CRLF2: variants seen among roughly 807,000 people sequenced by gnomAD.
CRLF2 encodes the protein cytokine receptor-like factor 2.
CRLF2 carries 41 observed loss-of-function variants against 38.7 expected under a neutral mutation model. That is an observed-to-expected ratio of 1.06 (90% confidence interval 0.83 to 1.37). CRLF2 has a LOEUF of 1.37. CRLF2 is among the 40% of genes most tolerant of loss of function. The probability of loss-of-function intolerance (pLI) is 0.00; values close to 1 mark genes in which losing one functional copy is unlikely to be tolerated. For synonymous variants in CRLF2, 140 were observed against 128.8 expected, an observed-to-expected ratio of 1.09 and a Z score of -0.59; for missense variants, 377 against 322.2, an observed-to-expected ratio of 1.17 and a Z score of -1.30.
At chrX:1,205,885 G>A (rs1342724304) in intron 3 of CRLF2, among the ~76,000 whole-genome samples, 4 of 152,034 alleles carry the variant, frequency 2.6e-5, no homozygotes, top group African/African-American at 9.7e-5. Flanking sequence ...CGAAAAGCAT[G>A]GTGAGCTTGC....
chrX:1,209,294 T>TTGCATTGTAGTGTAGTGTAG (rs1477485769), intron 1 of CRLF2, among the ~76,000 whole-genome samples: 2 of 142,404 alleles, frequency 1.4e-5, no homozygotes, highest in African/African-American at 5.2e-5. Context: ...TTGCATTGTA[T>TTGCATTGTAGTGTAGTGTAG]TGTAGTGTAG....
chrX:1,198,953 A>C, intron 4 of CRLF2: 1 of 574,836 alleles, frequency 1.7e-6, no homozygotes, highest in South Asian at 2.0e-5. Flanking sequence ...GTTCGAGACC[A>C]GCCTGGCCAA....
chrX:1,203,133 G>C lies in CRLF2; in HGVS notation c.350-598C>G, dbSNP rs192401278. 8.1e-3 allele frequency among the ~76,000 whole-genome samples: 1,149 copies of C among 141,532 alleles called. 9 individuals are homozygous for C. Among genetic ancestry groups the C allele is most frequent in the Admixed American group, 0.014 (193 of 13,868 alleles). 92.9% of individuals were successfully genotyped at this position (141,532 alleles called of 152,430 possible). Reference sequence around the variant, plus strand: ...AAAAAAAAAAAAAAGGATCATTATAGATTCAGTTAGTTAGGATCATTATAG... The same window carrying C: ...AAAAAAAAAAAAAAGGATCATTATACATTCAGTTAGTTAGGATCATTATAG... On this transcript the variant is annotated intron_variant, in intron 3 of 7. Transcript: ENST00000400841.
At chrX:1,208,711 A>C in intron 2 of CRLF2, 95 bp downstream of exon 2, 3 of 803,890 alleles carry the variant, frequency 3.7e-6, no homozygotes, top group Non-Finnish European at 6.7e-6. Flanking sequence ...CTGATGCTTT[A>C]CACTTTTGTT....
At position 1,191,941 on chromosome X, in the gene CRLF2, T is replaced by C. The variant is rs1483379500; in HGVS notation, c.853-781A>G. On this transcript the variant is annotated intron_variant, in intron 7 of 7. Coordinates refer to ENST00000400841, the MANE Select transcript of CRLF2 (RefSeq NM_022148.4). ...TTTGAGCCAGCCGGCCGCAGTGGCT[T>C]ACACCTGTAATCCCAGCACTTTGGG... Among the ~76,000 whole-genome samples, 482 of 151,592 alleles carry C rather than the reference T, an allele frequency of 3.2e-3. 6 individuals carry two copies. Among genetic ancestry groups the C allele is most frequent in the East Asian group, 9.2e-3 (47 of 5,102 alleles).
chrX:1,208,430 G>C (rs1381270362), intron 2 of CRLF2, among the ~76,000 whole-genome samples: 1 of 152,016 alleles, frequency 6.6e-6, no homozygotes, highest in African/African-American at 2.4e-5. Flanking sequence ...ATGGTGGCAG[G>C]TGCCTGTAAT....
intron 7 of CRLF2, among the ~76,000 whole-genome samples, chrX:1,192,883 A>G (rs1467766544): frequency 4.1e-5 from 6 of 146,882 alleles, no homozygotes; most frequent in Admixed American, 2.8e-4. Flanking sequence ...GTACAATCTC[A>G]GCTCACTGCA....
chrX:1,195,788 ATATATATT>A (rs1295548521), intron 6 of CRLF2, among the ~76,000 whole-genome samples: 7 of 114,280 alleles, frequency 6.1e-5, no homozygotes, highest in Admixed American at 1.2e-4. Context: ...ATATAATTTT[ATATATATT>A]TATATATTAT....
intron 5 of CRLF2, among the ~76,000 whole-genome samples, chrX:1,197,259 AT>A (rs1389797803): frequency 6.7e-6 from 1 of 148,362 alleles, no homozygotes; most frequent in Non-Finnish European, 1.5e-5. Context: ...CACCGGGCTA[AT>A]TTTTGTATTT....
intron 7 of CRLF2, among the ~76,000 whole-genome samples, 192 bp from the exon 8 acceptor site, chrX:1,191,352 T>TCTTTCTTTCTTTCTTTC: frequency 8.3e-6 from 1 of 120,470 alleles, no homozygotes; most frequent in Non-Finnish European, 1.8e-5. Context: ...TTTCCTTCTT[T>TCTTTCTTTCTTTCTTTC]CTTTCTTTCC....
At chrX:1,205,404 C>G (rs1241443612) in intron 3 of CRLF2, among the ~76,000 whole-genome samples, 7 of 152,036 alleles carry the variant, frequency 4.6e-5, no homozygotes, top group Non-Finnish European at 1.0e-4. Context: ...TCATTGATCC[C>G]GCGACTTGCG....
chrX:1,200,282 G>A (rs1277886637), intron 4 of CRLF2, among the ~76,000 whole-genome samples: 4 of 147,972 alleles, frequency 2.7e-5, no homozygotes, highest in Non-Finnish European at 6.0e-5. Flanking sequence ...GCATATATAT[G>A]TGTATATATA....
intron 1 of CRLF2, among the ~76,000 whole-genome samples, 190 bp from the exon 2 acceptor site, chrX:1,209,098 G>T (rs2086742823): frequency 6.6e-6 from 1 of 151,378 alleles, no homozygotes; most frequent in Admixed American, 6.6e-5. Context: ...CTCCCGAGTA[G>T]CCGGGATTAC....
At chrX:1,197,253 G>C (rs1320264380) in intron 5 of CRLF2, among the ~76,000 whole-genome samples, 1 of 150,188 alleles carries the variant, frequency 6.7e-6, no homozygotes, top group Admixed American at 6.7e-5. Flanking sequence ...CCACCACACC[G>C]GGCTAATTTT....
At chrX:1,211,805 G>GTGGA (rs761055962) in intron 1 of CRLF2, among the ~76,000 whole-genome samples, 2 of 74,914 alleles carry the variant, frequency 2.7e-5, no homozygotes, top group African/African-American at 8.0e-5. Flanking sequence ...GGATGGATGG[G>GTGGA]TGGATGGATG....
At chrX:1,205,714 G>A (rs1474622667) in intron 3 of CRLF2, among the ~76,000 whole-genome samples, 3 of 151,976 alleles carry the variant, frequency 2.0e-5, no homozygotes, top group African/African-American at 7.3e-5. Context: ...ATCTGATCCT[G>A]CGACTTGCTA....
chrX:1,200,110 A>G (rs1363566478), intron 4 of CRLF2, among the ~76,000 whole-genome samples: 2 of 150,902 alleles, frequency 1.3e-5, no homozygotes, highest in African/African-American at 2.4e-5. Context: ...GTGTGTATAT[A>G]TATAAAGTTT....
chrX:1,197,161 C>T (rs1458905472), intron 5 of CRLF2, among the ~76,000 whole-genome samples: 1 of 144,860 alleles, frequency 6.9e-6, no homozygotes, highest in Non-Finnish European at 1.5e-5. Flanking sequence ...GGCTCCATCT[C>T]AGCTCACTGC....
intron 7 of CRLF2, 77 bp from the exon 8 acceptor site, chrX:1,191,237 C>T (rs1408256970): frequency 5.0e-6 from 2 of 398,714 alleles, no homozygotes; most frequent in African/African-American, 4.1e-5. Flanking sequence ...ACAGACGGTA[C>T]CCACCACAGA....
Sources: allele counts gnomAD v4.1 joint callset (sites outside exome capture counted in the v4.1 genomes callset), GRCh38; gene constraint gnomAD v4.1.1; transcripts MANE v1.5; gene names NCBI Gene and HGNC (gene_info 2026-07-23, HGNC 2026-07-21).